Variants in PCDH9 observed in about 807,000 individuals in gnomAD.
PCDH9 encodes the protein protocadherin 9.
PCDH9 carries 24 observed loss-of-function variants against 70.6 expected under a neutral mutation model. The ratio of observed to expected loss-of-function variants is 0.34; its 90% CI spans 0.25 to 0.48. The LOEUF is 0.48. Among genes scored for constraint, PCDH9 ranks in the 20% least tolerant of loss-of-function variants. The pLI is 0.99. For synonymous variants in PCDH9, 562 were observed against 558.5 expected, an observed-to-expected ratio of 1.01 and a Z score of -0.09; for missense variants, 1,281 against 1,503.6, an observed-to-expected ratio of 0.85 and a Z score of 2.45.
intron 4 of PCDH9, among the ~76,000 whole-genome samples, chr13:66,509,947 T>A (rs1268147009): frequency 1.3e-5 from 2 of 152,226 alleles, no homozygotes; most frequent in Non-Finnish European, 2.9e-5. Context: ...TATCATAGAC[T>A]AGAATTTGAT....
chr13:67,079,984 T>C (rs2085952407), intron 2 of PCDH9, among the ~76,000 whole-genome samples: 1 of 152,178 alleles, frequency 6.6e-6, no homozygotes. Context: ...TTGAGATGTC[T>C]GATCTTTTTA....
At chr13:66,702,601 T>G (rs2078661272) in intron 3 of PCDH9, among the ~76,000 whole-genome samples, 1 of 152,208 alleles carries the variant, frequency 6.6e-6, no homozygotes, top group Non-Finnish European at 1.5e-5. Flanking sequence ...CCCCCACCAG[T>G]ATACAAAGGT....
intron 2 of PCDH9, among the ~76,000 whole-genome samples, chr13:67,178,256 C>T (rs985123729): frequency 5.9e-5 from 9 of 151,988 alleles, no homozygotes; most frequent in African/African-American, 2.2e-4. Context: ...AAAGGTCAAA[C>T]TAAAATATGT....
intron 3 of PCDH9, among the ~76,000 whole-genome samples, chr13:66,698,081 A>T (rs2078588254): frequency 6.6e-6 from 1 of 152,202 alleles, no homozygotes; most frequent in Non-Finnish European, 1.5e-5. Context: ...TGTCAAATTC[A>T]TAGAGATAGA....
intron 2 of PCDH9, among the ~76,000 whole-genome samples, chr13:67,136,026 C>T (rs1019426415): frequency 1.3e-5 from 2 of 152,096 alleles, no homozygotes; most frequent in African/African-American, 4.8e-5. Context: ...TCAGTACAGC[C>T]ATATGCTACA....
At chr13:66,939,207 T>G (rs371794475) in intron 2 of PCDH9, among the ~76,000 whole-genome samples, 16 of 152,078 alleles carry the variant, frequency 1.1e-4, no homozygotes, top group African/African-American at 3.4e-4. Context: ...TTAAAAACAC[T>G]GCTTAAATAT....
At position 66,740,464 on chromosome 13, in the gene PCDH9, A is replaced by G. The variant is rs569904370; in HGVS notation, c.3139-109053T>C. Among the ~76,000 whole-genome samples, 607 of 124,526 alleles carry G rather than the reference A, an allele frequency of 4.9e-3. 11 individuals carry two copies. The highest frequency in any genetic ancestry group is 0.017 in the African/African-American group (587 of 34,606). 81.7% of individuals were successfully genotyped at this position (124,526 alleles called of 152,430 possible). A position where few individuals can be genotyped will look rare whatever the true frequency, so the allele number is the denominator to read the frequency against. On this transcript the variant is annotated intron_variant, in intron 3 of 4. Coordinates refer to ENST00000377865, the MANE Select transcript of PCDH9 (RefSeq NM_203487.3). ...GCAAGAGCAAACACATTCAAAAGCT[A>G]GCAGAAGGCAAGAAATAACTAAAAT...
intron 4 of PCDH9, among the ~76,000 whole-genome samples, chr13:66,408,281 A>G (rs893074962): frequency 6.6e-5 from 10 of 152,052 alleles, no homozygotes; most frequent in Admixed American, 2.6e-4. Flanking sequence ...GATGGTCTCG[A>G]TCTCCCAGCA....
At position 66,368,931 on chromosome 13, in the gene PCDH9, C is replaced by T. The variant is rs188792007; in HGVS notation, c.3341-63903G>A. Among the ~76,000 whole-genome samples, 36 of 152,118 alleles carry T rather than the reference C, an allele frequency of 2.4e-4. 1 individual carries two copies. Among genetic ancestry groups the T allele is most frequent in the Admixed American group, 1.9e-3 (29 of 15,246 alleles). ...ATGAGAACGGCATGGGAAAGAACTG[C>T]CCCCAGGATTCAACTACCCCCACAC... is the stretch of plus-strand genomic sequence containing the variant. On this transcript the variant is annotated intron_variant, in intron 4 of 4. Coordinates refer to ENST00000377865, the MANE Select transcript of PCDH9 (RefSeq NM_203487.3).
chr13:66,334,705 CTAA>C (rs953430779), intron 4 of PCDH9, among the ~76,000 whole-genome samples: 56 of 152,068 alleles, frequency 3.7e-4, no homozygotes, highest in African/African-American at 1.3e-3. Flanking sequence ...TACCATACAA[CTAA>C]TTTTTCTTTT....
intron 2 of PCDH9, among the ~76,000 whole-genome samples, chr13:67,051,382 A>ATTTTTTTTTTTTTTTTTTTTTT (rs567408801): frequency 1.4e-5 from 1 of 70,996 alleles, no homozygotes; most frequent in Non-Finnish European, 2.5e-5. Context: ...ACAATACAAG[A>ATTTTTTTTTTTTTTTTTTTTTT]TTTTTTTTTT....
chr13:66,637,757 CA>C (rs58261818), intron 3 of PCDH9, among the ~76,000 whole-genome samples: 143,428 of 151,486 alleles, frequency 0.95, 68,434 homozygotes, highest in East Asian at 1. Flanking sequence ...ACTAAAAATA[CA>C]AAAAAATTAG....
chr13:66,646,387 C>A (rs940009588), intron 3 of PCDH9, among the ~76,000 whole-genome samples: 5 of 152,108 alleles, frequency 3.3e-5, no homozygotes, highest in Admixed American at 2.0e-4. Context: ...TTATGACCAG[C>A]TATAGCTAGA....
intron 4 of PCDH9, among the ~76,000 whole-genome samples, chr13:66,492,426 G>A (rs1442296592): frequency 6.8e-6 from 1 of 148,096 alleles, no homozygotes; most frequent in Non-Finnish European, 1.5e-5. Flanking sequence ...ATGTAACCTA[G>A]TTAATGTTTA....
rs142711995 is a variant in PCDH9 at position 66,342,123 on chromosome 13, C to T, written c.3341-37095G>A. 4.7e-4 allele frequency among the ~76,000 whole-genome samples: 71 copies of T among 152,248 alleles called. No individual in the cohort carries two copies. The East Asian group carries it at 0.01, about 22-fold the overall frequency. ...CTTTTATTAAAACTGTTATCTCTTA[C>T]GTCACTGGAATTAAAATGAATCTGA... On this transcript the variant is annotated intron_variant, in intron 4 of 4. Transcript: ENST00000377865.
At chr13:66,414,639 G>T (rs1000919330) in intron 4 of PCDH9, among the ~76,000 whole-genome samples, 1 of 152,140 alleles carries the variant, frequency 6.6e-6, no homozygotes, top group Non-Finnish European at 1.5e-5. Context: ...TATAGTTTTT[G>T]CAGGATGCTA....
intron 4 of PCDH9, among the ~76,000 whole-genome samples, chr13:66,335,874 G>C (rs1307533313): frequency 1.3e-5 from 2 of 152,064 alleles, no homozygotes; most frequent in African/African-American, 4.8e-5. Flanking sequence ...TGAGAGCATG[G>C]TTTCCGGAGG....
chr13:66,616,165 T>A (rs1257223144), intron 4 of PCDH9, among the ~76,000 whole-genome samples: 1 of 152,208 alleles, frequency 6.6e-6, no homozygotes, highest in Non-Finnish European at 1.5e-5. Context: ...GCTCTAAGTT[T>A]ATCTTGGGAC....
intron 4 of PCDH9, among the ~76,000 whole-genome samples, chr13:66,616,091 C>T (rs1056673276): frequency 2.0e-5 from 3 of 152,202 alleles, no homozygotes; most frequent in African/African-American, 4.8e-5. Context: ...CTTGTCTATG[C>T]AGTCTCTGTA....
Sources: gnomAD v4.1 joint callset for allele counts (sites outside exome capture counted in the v4.1 genomes callset) on GRCh38, gnomAD v4.1.1 for gene constraint, MANE v1.5 for transcripts, NCBI Gene and HGNC (gene_info 2026-07-23, HGNC 2026-07-21) for gene names.